The following PCOLCE2 variants were observed in gnomAD, a reference collection of about 807,000 sequenced individuals.
The protein encoded by PCOLCE2 is procollagen C-endopeptidase enhancer 2.
A neutral mutation model predicts 47.0 loss-of-function variants in PCOLCE2; 42 were observed. The ratio of observed to expected loss-of-function variants is 0.89; its 90% CI spans 0.70 to 1.16. The LOEUF (loss-of-function observed/expected upper bound fraction) is 1.16. Ranked by LOEUF, PCOLCE2 falls within the 50% of genes most tolerant of loss-of-function variation. PCOLCE2 has a pLI of 0.00. For missense variants in PCOLCE2, 500 were observed against 526.1 expected (o/e 0.95, Z 0.49); for synonymous variants, 169 against 191.7 (o/e 0.88, Z 0.98).
intron 5 of PCOLCE2, 32 bp from the exon 6 acceptor site, chr3:142,829,878 T>C (rs765020057): frequency 1.5e-6 from 2 of 1,309,240 alleles, no homozygotes; most frequent in South Asian, 1.5e-5. Context: ...TTTTTATAAA[T>C]ACTTAAAAGT....
At chr3:142,863,853 C>G (rs965135935) in intron 2 of PCOLCE2, 4 of 152,056 alleles carry the variant, frequency 2.6e-5, no homozygotes, top group Admixed American at 1.3e-4. Flanking sequence ...AAAAACAAAA[C>G]AAAAGTGGAT....
intron 2 of PCOLCE2, chr3:142,887,207 G>C (rs1373759251): frequency 6.6e-6 from 1 of 152,552 alleles, no homozygotes; most frequent in Non-Finnish European, 1.5e-5. Flanking sequence ...TTCAACCCAG[G>C]AACATTAAGT....
intron 2 of PCOLCE2, among the ~76,000 whole-genome samples, chr3:142,857,154 C>T (rs1055842315): frequency 2.0e-5 from 3 of 152,174 alleles, no homozygotes; most frequent in Non-Finnish European, 4.4e-5. Flanking sequence ...CCTGGTGCTT[C>T]GGGTGCCTTA....
chr3:142,861,480 T>TATCTTCC (rs112736974), intron 2 of PCOLCE2, among the ~76,000 whole-genome samples: 8,127 of 152,224 alleles, frequency 0.053, 710 homozygotes, highest in African/African-American at 0.18. Flanking sequence ...GTGTCAAGTT[T>TATCTTCC]AGCCCTGATA....
chr3:142,877,250 G>A (rs1158911067), intron 2 of PCOLCE2, among the ~76,000 whole-genome samples: 1 of 152,184 alleles, frequency 6.6e-6, no homozygotes, highest in African/African-American at 2.4e-5. Context: ...GCAGTGGCTG[G>A]TTGAAGTAGG....
chr3:142,860,016 CAA>C (rs1168429482), intron 2 of PCOLCE2, among the ~76,000 whole-genome samples: 1 of 152,120 alleles, frequency 6.6e-6, no homozygotes, highest in Admixed American at 6.5e-5. Context: ...TAAATTGCTA[CAA>C]AAGAGAACAA....
chr3:142,838,968 G>T, intron 4 of PCOLCE2, 62 bp from the exon 5 acceptor site: 1 of 1,294,254 alleles, frequency 7.7e-7, no homozygotes, highest in Non-Finnish European at 1.1e-6. Flanking sequence ...ACCTCAAATG[G>T]AATTCTTCCT....
chr3:142,888,007 T>TTA (rs973784669), intron 1 of PCOLCE2, among the ~76,000 whole-genome samples: 2 of 152,168 alleles, frequency 1.3e-5, no homozygotes, highest in African/African-American at 4.8e-5. Flanking sequence ...TAACACAAGA[T>TTA]TATATATATG....
intron 2 of PCOLCE2, among the ~76,000 whole-genome samples, chr3:142,882,426 T>C (rs2108212677): frequency 6.6e-6 from 1 of 152,344 alleles, no homozygotes; most frequent in East Asian, 1.9e-4. Context: ...CTATGTTTGC[T>C]GATTTTTCTC....
chr3:142,821,166 C>T (rs966502118), intron 7 of PCOLCE2, 121 bp from the exon 8 acceptor site: 1 of 743,876 alleles, frequency 1.3e-6, no homozygotes, highest in African/African-American at 1.8e-5. Flanking sequence ...AAGAAAAGGC[C>T]CTCATAGAGG....
intron 8 of PCOLCE2, among the ~76,000 whole-genome samples, chr3:142,818,735 T>C (rs1318142081): frequency 6.6e-6 from 1 of 152,156 alleles, no homozygotes; most frequent in Non-Finnish European, 1.5e-5. Flanking sequence ...CACACGCCAT[T>C]GTGCCTGGAT....
At chr3:142,843,274 G>C (rs763448051) in intron 3 of PCOLCE2, 2 of 615,578 alleles carry the variant, frequency 3.2e-6, no homozygotes, top group South Asian at 3.0e-5. Flanking sequence ...CGAGAGAGGG[G>C]AGAAGTGGAC....
chr3:142,852,675 A>G (rs939309538), intron 2 of PCOLCE2, among the ~76,000 whole-genome samples: 46 of 142,764 alleles, frequency 3.2e-4, no homozygotes, highest in African/African-American at 1.2e-3. Flanking sequence ...GTGTGTGTGT[A>G]TTTATATATA....
chr3:142,820,832 A>C, intron 8 of PCOLCE2, 46 bp downstream of exon 8: 2 of 1,535,384 alleles, frequency 1.3e-6, no homozygotes, highest in Non-Finnish European at 1.8e-6. Flanking sequence ...CATGGCATGG[A>C]AAATCCATGG....
intron 3 of PCOLCE2, among the ~76,000 whole-genome samples, chr3:142,846,010 AG>A (rs1291368469): frequency 6.6e-6 from 1 of 152,132 alleles, no homozygotes; most frequent in Non-Finnish European, 1.5e-5. Context: ...TCTGGCTTCC[AG>A]TGTTTCTGAG....
rs369882365 is a variant in PCOLCE2, at chr3:142,821,014, A to T, written c.981T>A (p.Thr327=). 56 of 1,612,646 alleles carry T rather than the reference A, an allele frequency of 3.5e-5. No homozygotes were observed. The highest frequency in any genetic ancestry group is 3.6e-5 in the Non-Finnish European group (42 of 1,178,902). ...CTGTGGCGTGCAAACTCCCATCGCG[A>T]GTGATGGTTGTGATAACAGTGCCGG... ...VLAGTVITTI[T]RDGSLHATVS... Residue 327 remains threonine (T), a synonymous_variant, in exon 8 of 9, where the codon ACT becomes ACA. Coordinates refer to ENST00000295992, the MANE Select transcript of PCOLCE2 (RefSeq NM_013363.4).
chr3:142,852,751 T>C (rs1932976227), intron 2 of PCOLCE2, among the ~76,000 whole-genome samples: 1 of 148,160 alleles, frequency 6.7e-6, no homozygotes, highest in South Asian at 2.1e-4. Flanking sequence ...ATAATATATA[T>C]TTTAATATAT....
intron 6 of PCOLCE2, among the ~76,000 whole-genome samples, chr3:142,824,520 T>C (rs929447377): frequency 6.6e-6 from 1 of 152,214 alleles, no homozygotes; most frequent in Admixed American, 6.5e-5. Context: ...TGTGACAATA[T>C]GCTAGGAAGA....
At chr3:142,865,273 A>G (rs1418562122) in intron 2 of PCOLCE2, among the ~76,000 whole-genome samples, 1 of 152,006 alleles carries the variant, frequency 6.6e-6, no homozygotes, top group East Asian at 1.9e-4. Context: ...CTTATTGACC[A>G]TTTATACATC....
Sources: gnomAD v4.1 joint callset for allele counts (sites outside exome capture counted in the v4.1 genomes callset) on GRCh38, gnomAD v4.1.1 for gene constraint, MANE v1.5 for transcripts, NCBI Gene and HGNC (gene_info 2026-07-23, HGNC 2026-07-21) for gene names.